USP7: variants seen among roughly 807,000 people sequenced by gnomAD.
USP7 encodes ubiquitin C-terminal hydrolase 7.
A neutral mutation model predicts 162.9 loss-of-function variants in USP7; 9 were observed. That is an observed-to-expected ratio of 0.06 (90% confidence interval 0.03 to 0.10). The LOEUF (loss-of-function observed/expected upper bound fraction) is 0.10, where lower values mean the gene tolerates loss of function less well. USP7 is among the 10% of genes least tolerant of loss of function. The pLI, the probability that USP7 is intolerant of heterozygous loss-of-function variation, is 1.00. For synonymous variants in USP7, 562 were observed against 475.9 expected, an observed-to-expected ratio of 1.18 and a Z score of -2.35; for missense variants, 715 against 1,373.7, an observed-to-expected ratio of 0.52 and a Z score of 7.58.
intron 5 of USP7, among the ~76,000 whole-genome samples, chr16:8,919,404 C>A (rs115493166): frequency 2.0e-5 from 3 of 152,152 alleles, no homozygotes; most frequent in East Asian, 3.9e-4. Context: ...CCAGCACCAA[C>A]AGACACTTAA....
At chr16:8,920,310 TG>T in intron 5 of USP7, 48 bp downstream of exon 5, 1 of 1,511,522 alleles carries the variant, frequency 6.6e-7, no homozygotes, top group Admixed American at 1.9e-5. Flanking sequence ...CTTCTTTCAC[TG>T]CAGCACAAAA....
chr16:8,951,279 G>A (rs1477627498), intron 1 of USP7, among the ~76,000 whole-genome samples: 4 of 142,098 alleles, frequency 2.8e-5, no homozygotes, highest in African/African-American at 7.4e-5. Flanking sequence ...GGCCTCTTAA[G>A]TCACCTAATT....
At chr16:8,957,407 G>A (rs969952596) in intron 1 of USP7, among the ~76,000 whole-genome samples, 4 of 152,072 alleles carry the variant, frequency 2.6e-5, no homozygotes, top group Admixed American at 6.5e-5. Context: ...TCTTTGCCTT[G>A]GAAATCAAGC....
chr16:8,936,686 T>G, intron 1 of USP7: 2 of 1,511,780 alleles, frequency 1.3e-6, no homozygotes, highest in Non-Finnish European at 1.8e-6. Context: ...AGTGACTGCA[T>G]AGAATCTCTA....
intron 1 of USP7, among the ~76,000 whole-genome samples, chr16:8,940,202 T>TAGGAC (rs1393016469): frequency 6.6e-6 from 1 of 152,186 alleles, no homozygotes; most frequent in African/African-American, 2.4e-5. Flanking sequence ...CTGCTGCCTA[T>TAGGAC]CTACGCATCC....
chr16:8,944,826 C>A (rs1207790869), intron 1 of USP7, among the ~76,000 whole-genome samples: 1 of 152,226 alleles, frequency 6.6e-6, no homozygotes, highest in Non-Finnish European at 1.5e-5. Flanking sequence ...TTCCTGGCGG[C>A]TGGACACAGT....
intron 1 of USP7, among the ~76,000 whole-genome samples, chr16:8,949,998 C>T (rs559898424): frequency 2.6e-5 from 4 of 152,226 alleles, no homozygotes; most frequent in Non-Finnish European, 5.9e-5. Flanking sequence ...GCAGTGCTGT[C>T]CCACCAACCA....
chr16:8,919,282 G>T, intron 5 of USP7, 143 bp from the exon 6 acceptor site: 1 of 757,278 alleles, frequency 1.3e-6, no homozygotes. Context: ...AATGGTCACC[G>T]ATTCCCTTCT....
chr16:8,898,015 G>T (rs955006295), intron 25 of USP7, among the ~76,000 whole-genome samples: 2 of 151,998 alleles, frequency 1.3e-5, no homozygotes, highest in African/African-American at 4.8e-5. Context: ...GGACTGCTCC[G>T]TTCACAGGCC....
intron 1 of USP7, among the ~76,000 whole-genome samples, chr16:8,943,349 C>A (rs1319812218): frequency 6.6e-6 from 1 of 151,348 alleles, no homozygotes; most frequent in Non-Finnish European, 1.5e-5. Flanking sequence ...CATGTATAGT[C>A]TGCTCCGCAA....
At chr16:8,946,622 T>C (rs532292995) in intron 1 of USP7, among the ~76,000 whole-genome samples, 1 of 152,210 alleles carries the variant, frequency 6.6e-6, no homozygotes, top group African/African-American at 2.4e-5. Context: ...TCAGAATAGC[T>C]GAACTGACAC....
intron 15 of USP7, among the ~76,000 whole-genome samples, chr16:8,903,867 CAAAAA>C (rs36064651): frequency 8.3e-6 from 1 of 120,582 alleles, no homozygotes; most frequent in Admixed American, 8.2e-5. Flanking sequence ...AACTCTGTCT[CAAAAA>C]AAAAAAAAAA....
intron 1 of USP7, among the ~76,000 whole-genome samples, chr16:8,930,795 C>T (rs987679982): frequency 1.3e-5 from 2 of 152,046 alleles, no homozygotes; most frequent in Non-Finnish European, 2.9e-5. Context: ...ATGGTGAAAC[C>T]CCGTCTCTAC....
At chr16:8,955,220 T>C (rs1468438078) in intron 1 of USP7, among the ~76,000 whole-genome samples, 2 of 152,256 alleles carry the variant, frequency 1.3e-5, no homozygotes, top group East Asian at 3.8e-4. Context: ...GGCTCGTTTT[T>C]TTACATATTA....
intron 4 of USP7, among the ~76,000 whole-genome samples, chr16:8,920,713 C>G (rs1432374950): frequency 6.6e-6 from 1 of 152,096 alleles, no homozygotes; most frequent in African/African-American, 2.4e-5. Flanking sequence ...AAATCTGTGC[C>G]CCTCTAAGCA....
intron 23 of USP7, 92 bp downstream of exon 23, chr16:8,899,029 G>T: frequency 1.5e-6 from 2 of 1,357,516 alleles, no homozygotes; most frequent in South Asian, 1.2e-5. Flanking sequence ...GTGAAATGGC[G>T]AGCTAATTAT....
chr16:8,928,427 T>C (rs1174134307), intron 2 of USP7, among the ~76,000 whole-genome samples: 1 of 152,238 alleles, frequency 6.6e-6, no homozygotes, highest in Non-Finnish European at 1.5e-5. Flanking sequence ...GCTTCTGATA[T>C]GACAACCCTG....
intron 13 of USP7, among the ~76,000 whole-genome samples, chr16:8,905,979 C>A (rs1001071574): frequency 5.9e-5 from 9 of 152,148 alleles, no homozygotes; most frequent in Non-Finnish European, 8.8e-5. Flanking sequence ...GATTCCAAGA[C>A]CCTCATCTGC....
At chr16:8,960,002 T>C (rs1224202401) in intron 1 of USP7, among the ~76,000 whole-genome samples, 1 of 152,212 alleles carries the variant, frequency 6.6e-6, no homozygotes, top group Non-Finnish European at 1.5e-5. Flanking sequence ...ACAGTTTGTA[T>C]GCAGAAGCAA....
Sources: gnomAD v4.1 joint callset for allele counts (sites outside exome capture counted in the v4.1 genomes callset) on GRCh38, gnomAD v4.1.1 for gene constraint, MANE v1.5 for transcripts, NCBI Gene and HGNC (gene_info 2026-07-23, HGNC 2026-07-21) for gene names.